CLNK: variants seen among roughly 807,000 people sequenced by gnomAD.
The protein encoded by CLNK is cytokine-dependent hematopoietic cell linker.
CLNK carries 74 observed loss-of-function variants against 68.6 expected under a neutral mutation model. That is an observed-to-expected ratio of 1.08 (90% CI 0.89 to 1.31). The LOEUF is 1.31. Among genes scored for constraint, CLNK ranks in the 50% most tolerant of loss-of-function variants. The pLI is 0.00. For missense variants in CLNK, 553 were observed against 515.3 expected (o/e 1.07, Z -0.71); for synonymous variants, 198 against 172.2 (o/e 1.15, Z -1.17).
chr4:10,711,543 A>G, the CLNK span, among the ~76,000 whole-genome samples: 1 of 152,244 alleles, frequency 6.6e-6, no homozygotes, highest in East Asian at 1.9e-4. Context: ...CTTATTGTTT[A>G]GAAACACTGG....
At chr4:10,616,121 A>G (rs1462887671) in intron 2 of CLNK, among the ~76,000 whole-genome samples, 2 of 152,348 alleles carry the variant, frequency 1.3e-5, no homozygotes, top group Admixed American at 1.3e-4. Flanking sequence ...ATTTTACTAC[A>G]TTTCGCGATT....
the CLNK span, among the ~76,000 whole-genome samples, chr4:10,707,655 C>T: frequency 6.6e-6 from 1 of 152,184 alleles, no homozygotes. Context: ...GAGATGGTTC[C>T]CTGGGCCATG....
chr4:10,557,515 T>C (rs923166963), intron 8 of CLNK, among the ~76,000 whole-genome samples: 2 of 152,206 alleles, frequency 1.3e-5, no homozygotes, highest in African/African-American at 2.4e-5. Context: ...CTTGTAGTTT[T>C]CAGTAACTGT....
chr4:10,577,893 A>T (rs1720628485), intron 4 of CLNK, among the ~76,000 whole-genome samples: 1 of 152,166 alleles, frequency 6.6e-6, no homozygotes, highest in Non-Finnish European at 1.5e-5. Flanking sequence ...GTAACATAGC[A>T]GAGCAGCTGA....
At chr4:10,642,671 GA>G (rs78433661) in intron 2 of CLNK, among the ~76,000 whole-genome samples, 1 of 152,094 alleles carries the variant, frequency 6.6e-6, no homozygotes, top group African/African-American at 2.4e-5. Flanking sequence ...AAAAAAGGGG[GA>G]AAAATAAAAC....
At chr4:10,646,096 G>A (rs1723500658) in intron 2 of CLNK, among the ~76,000 whole-genome samples, 1 of 152,150 alleles carries the variant, frequency 6.6e-6, no homozygotes, top group Non-Finnish European at 1.5e-5. Flanking sequence ...TAACAATGGT[G>A]GGTGAGCAAG....
chr4:10,532,344 C>T, intron 11 of CLNK, 61 bp from the exon 12 acceptor site: 1 of 1,363,112 alleles, frequency 7.3e-7, no homozygotes, highest in Non-Finnish European at 1.0e-6. Context: ...AAGATAAAAT[C>T]ATTCTGAGCC....
chr4:10,646,951 G>A (rs1723537531), intron 2 of CLNK, among the ~76,000 whole-genome samples: 1 of 152,186 alleles, frequency 6.6e-6, no homozygotes, highest in Non-Finnish European at 1.5e-5. Flanking sequence ...ATGTGTTCAA[G>A]ACAGCCTATC....
At chr4:10,682,013 C>G (rs1291367722) in intron 1 of CLNK, among the ~76,000 whole-genome samples, 1 of 152,054 alleles carries the variant, frequency 6.6e-6, no homozygotes, top group Non-Finnish European at 1.5e-5. Flanking sequence ...TAAAATTAAG[C>G]AGAATAATCA....
At chr4:10,549,776 C>A (rs1251331842) in intron 8 of CLNK, among the ~76,000 whole-genome samples, 1 of 152,102 alleles carries the variant, frequency 6.6e-6, no homozygotes, top group Non-Finnish European at 1.5e-5. Flanking sequence ...ACAAGAGGAC[C>A]CAAACAGTTG....
chr4:10,702,902 A>G, the CLNK span, among the ~76,000 whole-genome samples: 1 of 152,136 alleles, frequency 6.6e-6, no homozygotes, highest in Non-Finnish European at 1.5e-5. Context: ...GGGTAGAAGA[A>G]CAGAGGGAGA....
chr4:10,724,341 C>A, the CLNK span, among the ~76,000 whole-genome samples: 1 of 152,114 alleles, frequency 6.6e-6, no homozygotes, highest in East Asian at 1.9e-4. Context: ...CTTATCCTGC[C>A]ATCCTATGTA....
Position 10,604,044 on chromosome 4 carries a change from G to A in CLNK, c.12-5995C>T, listed in dbSNP as rs114582059. 1.7e-3 allele frequency among the ~76,000 whole-genome samples: 258 copies of A among 152,304 alleles called. 1 individual carries two copies. Among genetic ancestry groups the A allele is most frequent in the African/African-American group, 5.9e-3 (245 of 41,554 alleles). On this transcript the variant is annotated intron_variant, in intron 2 of 18. Coordinates refer to ENST00000226951, the MANE Select transcript of CLNK (RefSeq NM_052964.4). ...CCCGGGGAGCGAGTAGACTGGATAT[G>A]AATGCAGCTATGCCAACTGAACAAG...
chr4:10,657,100 G>A (rs1335338780), intron 2 of CLNK, among the ~76,000 whole-genome samples: 3 of 152,136 alleles, frequency 2.0e-5, no homozygotes, highest in African/African-American at 7.2e-5. Context: ...TGACAAAACA[G>A]GTACTGAGAC....
At chr4:10,703,507 C>T in the CLNK span, among the ~76,000 whole-genome samples, 1 of 152,112 alleles carries the variant, frequency 6.6e-6, no homozygotes, top group African/African-American at 2.4e-5. Context: ...TTCTGCATTC[C>T]TTAGTATAAC....
At position 10,607,124 on chromosome 4, in the gene CLNK, A is replaced by C. The variant is rs903779837; in HGVS notation, c.12-9075T>G. Among the ~76,000 whole-genome samples, 3 of 152,210 alleles carry C rather than the reference A, an allele frequency of 2.0e-5. No individual in the cohort carries two copies. In the East Asian group the frequency reaches 5.8e-4, roughly 29 times the overall value. On this transcript the variant is annotated intron_variant, in intron 2 of 18. Coordinates refer to ENST00000226951, the MANE Select transcript of CLNK (RefSeq NM_052964.4). ...AGACTCTGTTGATGATTGGTAGTCCATTCTAGGCAACACTGGGTGTCTGAG... is the reference window on the plus strand; with the variant it reads ...AGACTCTGTTGATGATTGGTAGTCCCTTCTAGGCAACACTGGGTGTCTGAG...
chr4:10,685,451 C>A (rs375445664), upstream of CLNK, among the ~76,000 whole-genome samples: 1 of 152,140 alleles, frequency 6.6e-6, no homozygotes, highest in African/African-American at 2.4e-5. Context: ...TAAAGGCATG[C>A]AGTAATGTTT....
chr4:10,640,455 T>G (rs985822005), intron 2 of CLNK, among the ~76,000 whole-genome samples: 2 of 152,238 alleles, frequency 1.3e-5, no homozygotes, highest in African/African-American at 4.8e-5. Flanking sequence ...CGTGAGCCAT[T>G]GCACCTGGCC....
At chr4:10,500,729 T>G (rs936322404) in intron 18 of CLNK, among the ~76,000 whole-genome samples, 1 of 152,114 alleles carries the variant, frequency 6.6e-6, no homozygotes, top group African/African-American at 2.4e-5. Context: ...CAGTGAAAAT[T>G]TATCCTTTCT....
Sources: allele counts gnomAD v4.1 joint callset (sites outside exome capture counted in the v4.1 genomes callset), GRCh38; gene constraint gnomAD v4.1.1; transcripts MANE v1.5; gene names NCBI Gene and HGNC (gene_info 2026-07-23, HGNC 2026-07-21).